The following FSTL4 variants were observed in gnomAD, a reference collection of about 807,000 sequenced individuals.
FSTL4 encodes the protein follistatin like 4.
Under a neutral mutation model 78.2 loss-of-function variants are expected in FSTL4, and 28 were observed. The observed-to-expected ratio is 0.36, with a 90% CI of 0.27 to 0.49. FSTL4 has a LOEUF of 0.49. Among genes scored for constraint, FSTL4 ranks in the 20% least tolerant of loss-of-function variants. The probability of loss-of-function intolerance (pLI) is 0.98; values close to 1 mark genes in which losing one functional copy is unlikely to be tolerated. For synonymous variants in FSTL4, 422 were observed against 440.5 expected (o/e 0.96, Z 0.53); for missense variants, 922 against 1,084.9 (o/e 0.85, Z 2.11).
the FSTL4 span, among the ~76,000 whole-genome samples, chr5:133,839,412 C>A: frequency 6.6e-6 from 1 of 152,226 alleles, no homozygotes; most frequent in Admixed American, 6.5e-5. Context: ...GTAACATATT[C>A]TTTCCCCCTC....
chr5:133,530,224 G>A (rs1759223230), intron 3 of FSTL4, among the ~76,000 whole-genome samples: 2 of 152,196 alleles, frequency 1.3e-5, no homozygotes, highest in Non-Finnish European at 2.9e-5. Flanking sequence ...ACAGTTCAGG[G>A]AAAACTAGCA....
chr5:133,625,785 CCA>C, the FSTL4 span, among the ~76,000 whole-genome samples: 4 of 11,206 alleles, frequency 3.6e-4, 1 homozygote, highest in Non-Finnish European at 5.2e-4. Flanking sequence ...TATATATATT[CCA>C]TATATATATA....
chr5:133,683,520 G>A, the FSTL4 span, among the ~76,000 whole-genome samples: 1 of 152,126 alleles, frequency 6.6e-6, no homozygotes, highest in African/African-American at 2.4e-5. Flanking sequence ...AACTTGCCAA[G>A]CATGTTTGCG....
chr5:133,447,292 TCCACCCTTTAAA>T (rs1476175806), intron 3 of FSTL4, among the ~76,000 whole-genome samples: 1 of 152,234 alleles, frequency 6.6e-6, no homozygotes, highest in Non-Finnish European at 1.5e-5. Context: ...GATGCCCAAG[TCCACCCTTTAAA>T]CCACTCTACT....
chr5:133,652,903 T>A, the FSTL4 span, among the ~76,000 whole-genome samples: 658 of 152,312 alleles, frequency 4.3e-3, 5 homozygotes, highest in Non-Finnish European at 6.4e-3. Context: ...ATGGGTGTCT[T>A]GCCCACATTC....
chr5:133,324,214 GT>G (rs1754147584), intron 4 of FSTL4, among the ~76,000 whole-genome samples: 2 of 152,202 alleles, frequency 1.3e-5, no homozygotes, highest in South Asian at 4.1e-4. Flanking sequence ...TGAAGCTCCT[GT>G]AAAAGGCGTG....
At chr5:133,480,238 A>G (rs562526708) in intron 3 of FSTL4, among the ~76,000 whole-genome samples, 1 of 152,358 alleles carries the variant, frequency 6.6e-6, no homozygotes, top group African/African-American at 2.4e-5. Context: ...CCCTTGGGCA[A>G]ATTACTTCAC....
At chr5:133,717,121 T>C in the FSTL4 span, among the ~76,000 whole-genome samples, 7 of 152,236 alleles carry the variant, frequency 4.6e-5, no homozygotes, top group Non-Finnish European at 8.8e-5. Context: ...CTATTCAAAC[T>C]AGTTAAACGT....
At chr5:133,823,341 A>G in the FSTL4 span, among the ~76,000 whole-genome samples, 4 of 152,172 alleles carry the variant, frequency 2.6e-5, no homozygotes, top group South Asian at 8.3e-4. Flanking sequence ...TTCCACAGGA[A>G]AGGACTTCAG....
intron 3 of FSTL4, among the ~76,000 whole-genome samples, chr5:133,545,131 A>G (rs192483259): frequency 5.9e-5 from 9 of 152,316 alleles, no homozygotes; most frequent in Non-Finnish European, 1.3e-4. Flanking sequence ...GTCACCAGAA[A>G]TATCAACCAT....
the FSTL4 span, among the ~76,000 whole-genome samples, chr5:133,705,478 G>A: frequency 1.6e-4 from 24 of 152,244 alleles, no homozygotes; most frequent in African/African-American, 2.4e-4. Context: ...CTGCTCTGGC[G>A]TCCACCAGGC....
chr5:133,271,859 C>T (rs1002930629), intron 6 of FSTL4, among the ~76,000 whole-genome samples: 2 of 152,168 alleles, frequency 1.3e-5, no homozygotes, highest in African/African-American at 4.8e-5. Context: ...ACAAAAGGCA[C>T]CTGCACGGTG....
chr5:133,628,119 T>TA, the FSTL4 span, among the ~76,000 whole-genome samples: 1 of 152,130 alleles, frequency 6.6e-6, no homozygotes, highest in Non-Finnish European at 1.5e-5. Flanking sequence ...AAGCAGTGTT[T>TA]AGAGGGAAAT....
At chr5:133,766,896 T>G in the FSTL4 span, among the ~76,000 whole-genome samples, 1 of 152,194 alleles carries the variant, frequency 6.6e-6, no homozygotes, top group African/African-American at 2.4e-5. Context: ...AGGCCACCTT[T>G]CAGGTGAGCC....
chr5:133,609,020 T>C (rs35518325), intron 1 of FSTL4, among the ~76,000 whole-genome samples: 11,471 of 152,290 alleles, frequency 0.075, 461 homozygotes, highest in South Asian at 0.18. Context: ...ATGGGAATTC[T>C]GGCCCTCAGA....
At chr5:133,674,659 C>T in the FSTL4 span, among the ~76,000 whole-genome samples, 5 of 151,684 alleles carry the variant, frequency 3.3e-5, no homozygotes, top group Admixed American at 2.0e-4. Flanking sequence ...TGCATGAGAG[C>T]GACCTTTTTT....
chr5:133,356,140 T>C (rs1475121331), intron 4 of FSTL4, among the ~76,000 whole-genome samples: 1 of 152,208 alleles, frequency 6.6e-6, no homozygotes, highest in Non-Finnish European at 1.5e-5. Flanking sequence ...CATGAAAACA[T>C]AGTCTTTTCA....
At chr5:133,519,017 T>C (rs1758920793) in intron 3 of FSTL4, among the ~76,000 whole-genome samples, 1 of 152,206 alleles carries the variant, frequency 6.6e-6, no homozygotes, top group African/African-American at 2.4e-5. Context: ...TAGCACCACT[T>C]TACAAATAAA....
chr5:133,333,494 G>T (rs2126910913), intron 4 of FSTL4, among the ~76,000 whole-genome samples: 1 of 152,342 alleles, frequency 6.6e-6, no homozygotes, highest in African/African-American at 2.4e-5. Context: ...CCCAGGCATA[G>T]GGGCCCCTTA....
Sources: gnomAD v4.1 joint callset for allele counts (sites outside exome capture counted in the v4.1 genomes callset) on GRCh38, gnomAD v4.1.1 for gene constraint, MANE v1.5 for transcripts, NCBI Gene and HGNC (gene_info 2026-07-23, HGNC 2026-07-21) for gene names.